Variants in ARK2N observed in about 807,000 individuals in gnomAD.
The protein encoded by ARK2N is arkadia (RNF111) N-terminal like PKA signaling regulator 2N.
chr18:46,204,451 T>A, the ARK2N span, among the ~76,000 whole-genome samples: 1 of 152,218 alleles, frequency 6.6e-6, no homozygotes, highest in Non-Finnish European at 1.5e-5. Context: ...AACATTGACC[T>A]TCTTTAAAGT....
At chr18:46,174,586 C>T in the ARK2N span, among the ~76,000 whole-genome samples, 1 of 152,184 alleles carries the variant, frequency 6.6e-6, no homozygotes, top group Admixed American at 6.5e-5. Flanking sequence ...CCCTAGCGTC[C>T]TCCCGGCCCG....
chr18:46,196,332 G>A, the ARK2N span, among the ~76,000 whole-genome samples: 16 of 150,682 alleles, frequency 1.1e-4, no homozygotes, highest in East Asian at 2.8e-3. Flanking sequence ...CGTGATCTCG[G>A]CTCACTGCAA....
the ARK2N span, among the ~76,000 whole-genome samples, chr18:46,246,847 G>A: frequency 4.0e-5 from 6 of 151,796 alleles, no homozygotes; most frequent in Non-Finnish European, 8.8e-5. Context: ...AGGCTGAGGT[G>A]GGAGAATCGC....
the ARK2N span, among the ~76,000 whole-genome samples, chr18:46,184,415 C>T: frequency 6.6e-6 from 1 of 152,166 alleles, no homozygotes; most frequent in African/African-American, 2.4e-5. Context: ...AGCTACTGCG[C>T]CCGGCCTCGA....
chr18:46,221,736 T>C, the ARK2N span, among the ~76,000 whole-genome samples: 1 of 152,172 alleles, frequency 6.6e-6, no homozygotes, highest in Non-Finnish European at 1.5e-5. Flanking sequence ...GGGGGTTTAA[T>C]TGCTTGGCAA....
chr18:46,206,515 T>C, the ARK2N span, among the ~76,000 whole-genome samples: 2 of 152,190 alleles, frequency 1.3e-5, no homozygotes, highest in Non-Finnish European at 2.9e-5. Context: ...CTCTTTAAAA[T>C]ATCTTCTCTC....
chr18:46,174,526 C>T, the ARK2N span, among the ~76,000 whole-genome samples: 10 of 152,150 alleles, frequency 6.6e-5, no homozygotes, highest in Non-Finnish European at 5.9e-5. Flanking sequence ...TGCCGGCTGA[C>T]GCTGGGGCAT....
At chr18:46,224,710 G>C in the ARK2N span, among the ~76,000 whole-genome samples, 1 of 152,112 alleles carries the variant, frequency 6.6e-6, no homozygotes, top group East Asian at 1.9e-4. Context: ...CATGCTGCTA[G>C]GTAGATAAAT....
the ARK2N span, chr18:46,264,372 A>T: frequency 6.5e-6 from 1 of 152,686 alleles, no homozygotes; most frequent in Non-Finnish European, 1.5e-5. Context: ...GAGTTAGAAC[A>T]CTATGTACTC....
the ARK2N span, among the ~76,000 whole-genome samples, chr18:46,209,187 T>C: frequency 6.6e-6 from 1 of 152,166 alleles, no homozygotes; most frequent in Admixed American, 6.5e-5. Context: ...TCCCATAGTT[T>C]GGAAATTGAG....
the ARK2N span, among the ~76,000 whole-genome samples, chr18:46,256,701 T>G: frequency 4.6e-5 from 7 of 152,356 alleles, no homozygotes; most frequent in African/African-American, 1.7e-4. Context: ...CAGTGGTGGT[T>G]AAAATTGTCC....
chr18:46,184,379 C>A, the ARK2N span, among the ~76,000 whole-genome samples: 1 of 152,158 alleles, frequency 6.6e-6, no homozygotes, highest in Non-Finnish European at 1.5e-5. Flanking sequence ...GCCTCGGCCT[C>A]CCAAAGTGCT....
the ARK2N span, among the ~76,000 whole-genome samples, chr18:46,187,936 T>A: frequency 6.6e-6 from 1 of 152,144 alleles, no homozygotes; most frequent in Non-Finnish European, 1.5e-5. Context: ...AAACTGGAAC[T>A]CCCCCGCTAA....
the ARK2N span, among the ~76,000 whole-genome samples, chr18:46,260,677 CACTTTCTAA>C: frequency 6.6e-6 from 1 of 152,208 alleles, no homozygotes; most frequent in African/African-American, 2.4e-5. Context: ...CTATGCCAGA[CACTTTCTAA>C]ACTCTTCTTT....
the ARK2N span, among the ~76,000 whole-genome samples, chr18:46,175,022 T>C: frequency 6.6e-6 from 1 of 152,230 alleles, no homozygotes; most frequent in Non-Finnish European, 1.5e-5. Flanking sequence ...GTCAACTTTA[T>C]TTCAAAACCG....
chr18:46,220,021 G>A, the ARK2N span, among the ~76,000 whole-genome samples: 1 of 152,170 alleles, frequency 6.6e-6, no homozygotes, highest in Non-Finnish European at 1.5e-5. Context: ...GGTCAGTGGG[G>A]AAAAGTTTTT....
the ARK2N span, chr18:46,262,891 G>A: frequency 4.2e-5 from 67 of 1,592,356 alleles, no homozygotes; most frequent in Non-Finnish European, 5.7e-5. Context: ...TTCCTGTGGT[G>A]GAATTAACCA....
the ARK2N span, among the ~76,000 whole-genome samples, chr18:46,224,820 A>G: frequency 1.3e-5 from 2 of 152,224 alleles, no homozygotes; most frequent in African/African-American, 4.8e-5. Context: ...TGGATCTATC[A>G]GGCTCTTCTT....
chr18:46,243,053 T>C, the ARK2N span, among the ~76,000 whole-genome samples: 2 of 152,326 alleles, frequency 1.3e-5, no homozygotes, highest in South Asian at 4.1e-4. Context: ...CCCATGACAT[T>C]TTGTTATGAA....
Sources: allele counts gnomAD v4.1 joint callset (sites outside exome capture counted in the v4.1 genomes callset), GRCh38; gene constraint gnomAD v4.1.1; transcripts MANE v1.5; gene names NCBI Gene and HGNC (gene_info 2026-07-23, HGNC 2026-07-21).